Variants in RGS7 observed in about 807,000 individuals in gnomAD.
RGS7 encodes regulator of G-protein signaling 7.
In RGS7, 27 loss-of-function variants were observed where a neutral mutation model predicts 81.1. The ratio of observed to expected loss-of-function variants is 0.33; its 90% CI spans 0.25 to 0.46. The LOEUF is 0.46. Ranked by LOEUF, RGS7 falls within the 20% of genes least tolerant of loss-of-function variation. The probability of loss-of-function intolerance (pLI) is 1.00; values close to 1 mark genes in which losing one functional copy is unlikely to be tolerated. For synonymous variants in RGS7, 208 were observed against 207.7 expected (o/e 1.00, Z -0.01); for missense variants, 396 against 607.4 (o/e 0.65, Z 3.66).
chr1:240,880,373 GAGTTTGCTTGCTCATTTATA>G (rs1443922435), intron 6 of RGS7, among the ~76,000 whole-genome samples: 1 of 152,200 alleles, frequency 6.6e-6, no homozygotes. Context: ...CTGGTCTTTG[GAGTTTGCTTGCTCATTTATA>G]AGTGAGGCTG....
intron 18 of RGS7, among the ~76,000 whole-genome samples, chr1:240,795,258 G>A (rs1267602381): frequency 9.2e-5 from 14 of 151,796 alleles, no homozygotes; most frequent in African/African-American, 3.1e-4. Context: ...TTTGACCAGG[G>A]ACTAAAAAGT....
Position 241,144,078 on chromosome 1 carries a change from G to A in RGS7, c.79-45316C>T, listed in dbSNP as rs2068119461. On this transcript the variant is annotated intron_variant, in intron 2 of 18. Coordinates refer to ENST00000440928, the MANE Select transcript of RGS7 (RefSeq NM_001364886.1). The surrounding 1 kb of genome is among the most constrained non-coding windows in gnomAD (Gnocchi z 4.7). ...ATATTTTCTTATAGCCGCCTGAGTG[G>A]ACTAAGGCAGTAATGTAAAGATTTT... is the stretch of plus-strand genomic sequence containing the variant. 6.6e-6 allele frequency among the ~76,000 whole-genome samples: 1 copy of A among 152,028 alleles called. No homozygotes were observed. Among genetic ancestry groups the A allele is most frequent in the Non-Finnish European group, 1.5e-5 (1 of 68,008 alleles).
chr1:241,121,055 T>C lies in RGS7; in HGVS notation c.79-22293A>G, dbSNP rs188287881. ...GAGATAGCCTCCACTTCTCTCTGGA[T>C]TATGATCTCACTTACTCCTTACTCC... On this transcript the variant is annotated intron_variant, in intron 2 of 18. Transcript: ENST00000440928. 8.5e-4 allele frequency among the ~76,000 whole-genome samples: 129 copies of C among 152,316 alleles called. 1 individual carries two copies. The highest frequency in any genetic ancestry group is 3.1e-3 in the African/African-American group (128 of 41,570).
chr1:241,084,216 C>T (rs2063306904), intron 3 of RGS7, among the ~76,000 whole-genome samples: 1 of 152,156 alleles, frequency 6.6e-6, no homozygotes, highest in Non-Finnish European at 1.5e-5. Context: ...GAGACATATT[C>T]ATCCAACCCT....
At chr1:241,262,382 T>C (rs927856372) in intron 2 of RGS7, among the ~76,000 whole-genome samples, 21 of 152,300 alleles carry the variant, frequency 1.4e-4, no homozygotes, top group Non-Finnish European at 2.9e-4. Context: ...AAAGGAATAT[T>C]TCATCTTCAT....
intron 9 of RGS7, among the ~76,000 whole-genome samples, chr1:240,841,255 A>C (rs1657928679): frequency 6.6e-6 from 1 of 152,224 alleles, no homozygotes; most frequent in Non-Finnish European, 1.5e-5. Context: ...AGTTTTAGAG[A>C]AGTCAAGATG....
At chr1:241,040,013 C>T (rs2060527761) in intron 3 of RGS7, among the ~76,000 whole-genome samples, 2 of 152,146 alleles carry the variant, frequency 1.3e-5, no homozygotes, top group African/African-American at 4.8e-5. Flanking sequence ...TTTCAAGTGC[C>T]CAACGGCTGA....
At chr1:240,863,174 T>C (rs1195922938) in intron 9 of RGS7, among the ~76,000 whole-genome samples, 2 of 152,124 alleles carry the variant, frequency 1.3e-5, no homozygotes, top group African/African-American at 2.4e-5. Flanking sequence ...ATATAGTTTA[T>C]ATATTTTAAA....
chr1:241,246,882 G>A (rs891773923), intron 2 of RGS7, among the ~76,000 whole-genome samples: 3 of 151,944 alleles, frequency 2.0e-5, no homozygotes, highest in Admixed American at 6.6e-5. Flanking sequence ...ATACATGAAC[G>A]TCAGCTGTGG....
At chr1:241,162,576 T>C (rs747616142) in intron 2 of RGS7, among the ~76,000 whole-genome samples, 2 of 152,210 alleles carry the variant, frequency 1.3e-5, no homozygotes, top group African/African-American at 2.4e-5. Flanking sequence ...TTTTGCTTCC[T>C]TTTGTTCCTG....
chr1:240,963,435 G>A (rs1221600216), intron 4 of RGS7, among the ~76,000 whole-genome samples: 1 of 152,154 alleles, frequency 6.6e-6, no homozygotes, highest in Non-Finnish European at 1.5e-5. Context: ...AACCCTGAAA[G>A]TTAAGAGGCA....
chr1:241,159,751 A>G (rs975542854), intron 2 of RGS7, among the ~76,000 whole-genome samples: 7 of 152,132 alleles, frequency 4.6e-5, no homozygotes, highest in Admixed American at 6.5e-5. Context: ...TTAAGTATAC[A>G]CAGGACAAGA....
chr1:241,320,882 G>A (rs1024249187), intron 2 of RGS7, among the ~76,000 whole-genome samples: 13 of 152,304 alleles, frequency 8.5e-5, no homozygotes, highest in African/African-American at 2.9e-4. Context: ...CTAAAATGTA[G>A]TTGTATTTAC....
chr1:241,204,605 G>C (rs2073754469), intron 2 of RGS7, among the ~76,000 whole-genome samples: 1 of 152,158 alleles, frequency 6.6e-6, no homozygotes, highest in African/African-American at 2.4e-5. Flanking sequence ...ATTAAACTTA[G>C]AGAGTTCTCC....
intron 3 of RGS7, among the ~76,000 whole-genome samples, chr1:241,004,408 C>T (rs1306800158): frequency 1.3e-5 from 2 of 152,204 alleles, no homozygotes; most frequent in Admixed American, 6.5e-5. Flanking sequence ...TCTTAAGAAA[C>T]CTATTTGAAC....
intron 18 of RGS7, among the ~76,000 whole-genome samples, chr1:240,780,113 C>CAT (rs1683714293): frequency 6.6e-6 from 1 of 152,132 alleles, no homozygotes; most frequent in Non-Finnish European, 1.5e-5. Context: ...TACACATGTG[C>CAT]ATATATACCT....
intron 14 of RGS7, among the ~76,000 whole-genome samples, chr1:240,806,946 T>A (rs1558281441): frequency 2.6e-5 from 4 of 152,176 alleles, no homozygotes; most frequent in Admixed American, 2.0e-4. Context: ...AACAATTAAC[T>A]AATGTTAAGG....
At position 240,926,465 on chromosome 1, in the gene RGS7, C is replaced by T. The variant is rs181909277; in HGVS notation, c.385+4252G>A. 2.5e-4 allele frequency among the ~76,000 whole-genome samples: 38 copies of T among 152,236 alleles called. No homozygotes were observed. In the East Asian group the frequency reaches 5.6e-3, roughly 22 times the overall value. On this transcript the variant is annotated intron_variant, in intron 6 of 18. Coordinates refer to ENST00000440928, the MANE Select transcript of RGS7 (RefSeq NM_001364886.1). ...ATATGGTTATAGATGTGCGGCTTTA[C>T]TTTTGGGCTCTCAATTCTGTTTCAT...
chr1:240,861,903 A>G (rs749877926), intron 9 of RGS7, among the ~76,000 whole-genome samples: 1 of 152,182 alleles, frequency 6.6e-6, no homozygotes, highest in Non-Finnish European at 1.5e-5. Context: ...TTTCACTGCA[A>G]TTTAGCTAGA....
Sources: allele counts gnomAD v4.1 joint callset (sites outside exome capture counted in the v4.1 genomes callset), GRCh38; gene constraint gnomAD v4.1.1; non-coding constraint Gnocchi (gnomAD v3.1); transcripts MANE v1.5; gene names NCBI Gene and HGNC (gene_info 2026-07-23, HGNC 2026-07-21).